Variants in PACS2 observed in about 807,000 individuals in gnomAD.
PACS2 encodes PACS1-like protein.
Under a neutral mutation model 113.0 loss-of-function variants are expected in PACS2, and 36 were observed. That is an observed-to-expected ratio of 0.32 (90% CI 0.24 to 0.42). PACS2 has a LOEUF of 0.42. Ranked by LOEUF, PACS2 falls within the 10% of genes least tolerant of loss-of-function variation. The probability of loss-of-function intolerance (pLI) is 1.00; values close to 1 mark genes in which losing one functional copy is unlikely to be tolerated. For missense variants in PACS2, 1,015 were observed against 1,239.5 expected (o/e 0.82, Z 2.72); for synonymous variants, 589 against 536.1 (o/e 1.10, Z -1.36).
chr14:105,394,749 A>C lies in PACS2; in HGVS notation c.*77A>C, dbSNP rs934333908. 4.2e-5 allele frequency: 38 copies of C among 908,862 alleles called. No individual in the cohort carries two copies. The African/African-American group carries it at 5.2e-4, about 12-fold the overall frequency. The allele number at this position is 908,862 out of a possible 1,614,324, so 56.3% of individuals were successfully genotyped here. ...TGCATTTCTGTTAACATTTCAGTTTACTACAGAGACAGACGCTTAAAACAC... is the reference window on the plus strand; with the variant it reads ...TGCATTTCTGTTAACATTTCAGTTTCCTACAGAGACAGACGCTTAAAACAC... On this transcript the variant is annotated 3_prime_UTR_variant, in exon 25 of 25. Transcript: ENST00000447393.
At chr14:105,383,169 G>A (rs782669007) in intron 15 of PACS2, 190 bp from the exon 16 acceptor site, 3 of 699,952 alleles carry the variant, frequency 4.3e-6, no homozygotes, top group Non-Finnish European at 7.6e-6. Context: ...CTGAGGCCAT[G>A]ACTGTGTGGT....
At chr14:105,345,234 C>T (rs587647631) in intron 1 of PACS2, among the ~76,000 whole-genome samples, 2 of 152,120 alleles carry the variant, frequency 1.3e-5, no homozygotes, top group South Asian at 2.1e-4. Flanking sequence ...GGTGAAACCC[C>T]GTCTCCACTA....
chr14:105,302,146 CAAA>C (rs377143444), intron 1 of PACS2, among the ~76,000 whole-genome samples: 1 of 116,578 alleles, frequency 8.6e-6, no homozygotes. Flanking sequence ...AACTCTGTCT[CAAA>C]AAAAAAAAAG....
intron 17 of PACS2, 79 bp from the exon 18 acceptor site, chr14:105,384,800 A>G: frequency 1.1e-6 from 1 of 920,178 alleles, no homozygotes. Context: ...TGGGCGGGGC[A>G]CCGGGGAGGC....
rs1373290708 is a variant in PACS2, at chr14:105,317,384, C to A, written c.119+2347C>A. On this transcript the variant is annotated intron_variant, in intron 1 of 24. Transcript: ENST00000447393. The surrounding 1 kb of genome is among the most constrained non-coding windows in gnomAD (Gnocchi z 4.2). The stretch of plus-strand genomic sequence containing the variant: ...CCAGGATTTATGGTGGGGGTGTGCA[C>A]GCACTCAGCGTTACTGCTGGGCAGT... 3.3e-5 allele frequency among the ~76,000 whole-genome samples: 5 copies of A among 152,132 alleles called. No individual in the cohort carries two copies. The highest frequency in any genetic ancestry group is 4.4e-5 in the Non-Finnish European group (3 of 68,032).
chr14:105,359,098 G>A (rs1555405863), intron 4 of PACS2, among the ~76,000 whole-genome samples: 2 of 152,066 alleles, frequency 1.3e-5, no homozygotes, highest in Non-Finnish European at 2.9e-5. Flanking sequence ...CCTACACGGC[G>A]GTGCATGGCG....
At chr14:105,385,098 C>G in intron 18 of PACS2, 111 bp downstream of exon 18, 1 of 739,598 alleles carries the variant, frequency 1.4e-6, no homozygotes, top group Non-Finnish European at 2.4e-6. Context: ...GAGCCCTGCA[C>G]CGGGCTTAGA....
In PACS2 at chr14:105,393,104, A is replaced by T. The variant is rs587607975; in HGVS notation, c.2483-118A>T. 1.0e-5 allele frequency: 8 copies of T among 801,060 alleles called. No homozygotes were observed. The East Asian group carries it at 2.1e-4, about 21-fold the overall frequency. The allele number at this position is 801,060 out of a possible 1,614,324, so 49.6% of individuals were successfully genotyped here. On this transcript the variant is annotated intron_variant, in intron 23 of 24. Transcript: ENST00000447393. ...AGTCACCGTGGAAGGCAGGTTTCCT[A>T]GGTGAGCAGTGCCATGACCAGCTGA...
Position 105,303,522 on chromosome 14 carries a change from C to T in PACS2, c.-83+2543C>T, listed in dbSNP as rs587677800. 1.1e-4 allele frequency among the ~76,000 whole-genome samples: 16 copies of T among 152,354 alleles called. 1 individual carries two copies. Among genetic ancestry groups the T allele is most frequent in the South Asian group, 8.3e-4 (4 of 4,832 alleles). ...CCTCCCAAAGTGCTGGGACTATGGGCGTGAGCCATCGCGCCTGGCCTTTTC... is the reference window on the plus strand; with the variant it reads ...CCTCCCAAAGTGCTGGGACTATGGGTGTGAGCCATCGCGCCTGGCCTTTTC... On this transcript the variant is annotated intron_variant, in intron 1 of 23. Coordinates refer to the PACS2 transcript ENST00000430725.
At chr14:105,332,942 T>C (rs757187309) in intron 1 of PACS2, among the ~76,000 whole-genome samples, 4 of 152,138 alleles carry the variant, frequency 2.6e-5, no homozygotes, top group South Asian at 2.1e-4. Flanking sequence ...CCCCCACTTT[T>C]TTGTGGGGGT....
intron 12 of PACS2, 89 bp downstream of exon 12, chr14:105,381,188 A>T: frequency 8.4e-7 from 1 of 1,193,736 alleles, no homozygotes. Context: ...GGTGCGTGTC[A>T]GTCCATCCTG....
Position 105,366,116 on chromosome 14 carries a change from G to A in PACS2, c.424-1097G>A, listed in dbSNP as rs782614334. Among the ~76,000 whole-genome samples, 7 of 152,324 alleles carry A rather than the reference G, an allele frequency of 4.6e-5. No homozygotes were observed. The East Asian group carries it at 9.6e-4, about 21-fold the overall frequency. On this transcript the variant is annotated intron_variant, in intron 4 of 24. Transcript: ENST00000447393. The surrounding 1 kb of genome is among the most constrained non-coding windows in gnomAD (Gnocchi z 4.3). ...TGTAATCCCAGCACTTTGGGAGGCC[G>A]AGGCAGGCAGATCATTTGAGGTCAG...
intron 13 of PACS2, 43 bp from the exon 14 acceptor site, chr14:105,382,434 C>G (rs1555412287): frequency 8.5e-7 from 1 of 1,178,318 alleles, no homozygotes; most frequent in Admixed American, 1.7e-5. Flanking sequence ...GGGATGGGCG[C>G]TGTGCTTCTC....
chr14:105,383,631 G>A lies in PACS2; in HGVS notation c.1780+118G>A, dbSNP rs1468633456. 31 of 940,176 alleles carry A rather than the reference G, an allele frequency of 3.3e-5. No individual in the cohort carries two copies. In the Admixed American group the frequency reaches 3.7e-4, roughly 11 times the overall value. 58.2% of individuals were successfully genotyped at this position (940,176 alleles called of 1,614,324 possible). A position where few individuals can be genotyped will look rare whatever the true frequency, so the allele number is the denominator to read the frequency against. ...GTGGCGTGGCGTGGCGCGGTGTGTC[G>A]TGGTGTGGCGCGGTGTGGCATGGCG... On this transcript the variant is annotated intron_variant, in intron 16 of 24. Coordinates refer to ENST00000447393, the MANE Select transcript of PACS2 (RefSeq NM_001100913.3).
chr14:105,380,910 C>A, intron 11 of PACS2, 47 bp from the exon 12 acceptor site: 1 of 1,568,422 alleles, frequency 6.4e-7, no homozygotes, highest in Non-Finnish European at 8.7e-7. Flanking sequence ...GGCCGCAGCA[C>A]GGGTGTGGTT....
chr14:105,387,303 G>A (rs587688507), intron 19 of PACS2, among the ~76,000 whole-genome samples: 6 of 152,214 alleles, frequency 3.9e-5, no homozygotes, highest in Admixed American at 6.5e-5. Flanking sequence ...CTGCTGGCCC[G>A]CCCTCCTCTG....
intron 1 of PACS2, among the ~76,000 whole-genome samples, chr14:105,305,306 G>A (rs1204122828): frequency 1.3e-5 from 2 of 152,290 alleles, no homozygotes; most frequent in Admixed American, 6.5e-5. Flanking sequence ...GGAGGCTGAG[G>A]TAGGAGGATT....
Position 105,393,056 on chromosome 14 carries a change from T to C in PACS2, c.2483-166T>C, listed in dbSNP as rs587755881. On this transcript the variant is annotated intron_variant, in intron 23 of 24. Coordinates refer to ENST00000447393, the MANE Select transcript of PACS2 (RefSeq NM_001100913.3). ...GAGCCTCAGGCGGAGGCCAGCTGGG[T>C]GGGCAGGAGAGCAGCTGTCCTCAGT... is the stretch of plus-strand genomic sequence containing the variant. 3.1e-4 allele frequency among the ~76,000 whole-genome samples: 47 copies of C among 152,194 alleles called. No homozygotes were observed. The South Asian group carries it at 5.0e-3, about 16-fold the overall frequency.
rs2059250830 is a variant in PACS2 at position 105,330,159 on chromosome 14, T to C, written c.119+15122T>C. Among the ~76,000 whole-genome samples the C allele has an allele frequency of 8.6e-6, 1 of 116,928 alleles. No homozygotes were observed. Among genetic ancestry groups the C allele is most frequent in the Admixed American group, 8.8e-5 (1 of 11,330 alleles). 76.7% of individuals were successfully genotyped at this position (116,928 alleles called of 152,430 possible). ...GGGGACAGGGAGCCTCCGAGAAGCC[T>C]GGGGTCCGTGTGTGGGACGGAACGG... On this transcript the variant is annotated intron_variant, in intron 1 of 24. Coordinates refer to ENST00000447393, the MANE Select transcript of PACS2 (RefSeq NM_001100913.3). The surrounding 1 kb of genome is among the most constrained non-coding windows in gnomAD (Gnocchi z 6.9).
Sources: allele counts gnomAD v4.1 joint callset (sites outside exome capture counted in the v4.1 genomes callset), GRCh38; gene constraint gnomAD v4.1.1; non-coding constraint Gnocchi (gnomAD v3.1); transcripts MANE v1.5; gene names NCBI Gene and HGNC (gene_info 2026-07-23, HGNC 2026-07-21).